Variants in DNAH2 observed in about 807,000 individuals in gnomAD.
DNAH2 encodes the protein axonemal beta dynein heavy chain 2.
In DNAH2, 323 loss-of-function variants were observed where a neutral mutation model predicts 523.5. That is an observed-to-expected ratio of 0.62 (90% confidence interval 0.56 to 0.68). The LOEUF (loss-of-function observed/expected upper bound fraction) is 0.68, where lower values mean the gene tolerates loss of function less well. Ranked by LOEUF, DNAH2 falls within the 30% of genes least tolerant of loss-of-function variation. The probability of loss-of-function intolerance (pLI) is 0.00; values close to 1 mark genes in which losing one functional copy is unlikely to be tolerated. For missense variants in DNAH2, 4,907 were observed against 5,701.5 expected, an observed-to-expected ratio of 0.86 and a Z score of 4.49; for synonymous variants, 2,093 against 2,177.4, an observed-to-expected ratio of 0.96 and a Z score of 1.08.
chr17:7,764,205 A>G lies in DNAH2; in HGVS notation c.3268A>G (p.Thr1090Ala). 1.2e-6 allele frequency: 2 copies of G among 1,613,964 alleles called. No individual in the cohort carries two copies. Among genetic ancestry groups the G allele is most frequent in the Non-Finnish European group, 1.7e-6 (2 of 1,179,984 alleles). The change falls in exon 20 of 86, where the codon ACT becomes GCT. Residue 1090 changes from threonine (T) to alanine (A), a missense_variant. Around this residue, in one of 3 missense-constraint regions of DNAH2, gnomAD observed 2,806 missense variants for 3,190.8 expected, o/e 0.88. Transcript: ENST00000572933. ...ALKHDLANVETQIPPIHEQFA... is the reference protein window; with the variant it reads ...ALKHDLANVEAQIPPIHEQFA... Reference sequence around the variant, plus strand: ...GAAGCACGACTTGGCCAACGTGGAGACTCAGATCCCTCCCATACACGAGCA... The same window carrying G: ...GAAGCACGACTTGGCCAACGTGGAGGCTCAGATCCCTCCCATACACGAGCA...
At chr17:7,764,875 A>G (rs1010867019) in intron 20 of DNAH2, among the ~76,000 whole-genome samples, 1 of 98,188 alleles carries the variant, frequency 1.0e-5, no homozygotes, top group Non-Finnish European at 1.9e-5. Context: ...CAGGGCCTCC[A>G]TCCATTACCC....
Position 7,792,359 on chromosome 17 carries a change from G to C in DNAH2, c.7145+16G>C. ...ACCCTCCAAAGTAAGAGCTGGGCCTGGGTGTGAGGAGGGCATGGGGCAGCG... is the reference window on the plus strand; with the variant it reads ...ACCCTCCAAAGTAAGAGCTGGGCCTCGGTGTGAGGAGGGCATGGGGCAGCG... On this transcript the variant is annotated intron_variant, in intron 46 of 85. Coordinates refer to ENST00000572933, the MANE Select transcript of DNAH2 (RefSeq NM_020877.5). 1 of 1,613,628 alleles carries C rather than the reference G, an allele frequency of 6.2e-7. No homozygotes were observed. Among genetic ancestry groups the C allele is most frequent in the Non-Finnish European group, 8.5e-7 (1 of 1,179,628 alleles).
At chr17:7,803,024 C>T (rs946633930) in intron 58 of DNAH2, among the ~76,000 whole-genome samples, 20 of 152,202 alleles carry the variant, frequency 1.3e-4, no homozygotes, top group Admixed American at 2.6e-4. Context: ...GATGTGGATA[C>T]GGAAGGCTGG....
rs2078224701 is a variant in DNAH2, at chr17:7,832,891, C to A, written c.12941C>A (p.Ser4314Tyr). The A allele has an allele frequency of 1.2e-6, 2 of 1,614,094 alleles. No homozygotes were observed. Among genetic ancestry groups the A allele is most frequent in the South Asian group, 1.1e-5 (1 of 91,094 alleles). Residue 4314 changes from serine to tyrosine, a missense_variant, in exon 84 of 86, where the codon TCC (serine) becomes TAC (tyrosine). Ser to Tyr is a moderately radical substitution (Grantham distance 144). This residue lies in a region of DNAH2 where 1,851 missense variants were observed against 2,139.4 expected (regional missense o/e 0.87). Coordinates refer to ENST00000572933, the MANE Select transcript of DNAH2 (RefSeq NM_020877.5). This position sits in a 1 kb window ranked among gnomAD's most constrained non-coding sequence, Gnocchi z 4.3. ...AGCCTCTCCTGGGAGTTTATCGTTT[C>A]CACTGTGGATGACAGCAACCTAGTG... ...VDSLSWEFIV[S>Y]TVDDSNLVYP...
chr17:7,722,191 G>GT (rs976574723), intron 2 of DNAH2, among the ~76,000 whole-genome samples: 4 of 99,666 alleles, frequency 4.0e-5, no homozygotes, highest in South Asian at 6.7e-4. Flanking sequence ...TAGAGACGGG[G>GT]GGGGGGGTTC....
Position 7,801,961 on chromosome 17 carries a change from G to A in DNAH2, c.8916G>A (p.Arg2972=). Residue 2972 remains arginine (R), a synonymous_variant, in exon 58 of 86, where the codon CGG becomes CGA. Coordinates refer to ENST00000572933, the MANE Select transcript of DNAH2 (RefSeq NM_020877.5). ...CCCAGAAGATGCTGTTGGAACTGCGGAGACACAACTATGTCACACCCACCA... is the reference window on the plus strand; with the variant it reads ...CCCAGAAGATGCTGTTGGAACTGCGAAGACACAACTATGTCACACCCACCA... ...QYSQKMLLEL[R]RHNYVTPTKY... is the part of the protein sequence containing the mutation. The A allele has an allele frequency of 6.2e-7, 1 of 1,614,212 alleles. No individual in the cohort carries two copies.
At position 7,786,627 on chromosome 17, in the gene DNAH2, C is replaced by T; in HGVS notation, c.6406C>T (p.Leu2136Phe). 3 of 1,614,098 alleles carry T rather than the reference C, an allele frequency of 1.9e-6. No individual in the cohort carries two copies. Among genetic ancestry groups the T allele is most frequent in the Middle Eastern group, 1.7e-4 (1 of 6,018 alleles). Reference protein sequence around the residue: ...SLGELYGEYDLSTNEWTDGIL... With the variant: ...SLGELYGEYDFSTNEWTDGIL... Reference sequence around the variant, plus strand: ...AGGGGAACTGTATGGGGAATATGACCTCAGCACCAATGAATGGACAGATGG... The same window carrying T: ...AGGGGAACTGTATGGGGAATATGACTTCAGCACCAATGAATGGACAGATGG... Residue 2136 changes from leucine (L) to phenylalanine (F), a missense_variant, in exon 41 of 86, where the codon CTC (leucine) becomes TTC (phenylalanine). Leu to Phe is a conservative substitution (Grantham distance 22, BLOSUM62 0). Around this residue, in one of 3 missense-constraint regions of DNAH2, gnomAD observed 2,806 missense variants for 3,190.8 expected, o/e 0.88. Transcript: ENST00000572933. The surrounding 1 kb of genome is among the most constrained non-coding windows in gnomAD (Gnocchi z 7.5).
Position 7,807,372 on chromosome 17 carries a change from T to C in DNAH2, c.9612+53T>C, listed in dbSNP as rs1389941954. On this transcript the variant is annotated intron_variant, in intron 62 of 85. Transcript: ENST00000572933. This position sits in a 1 kb window ranked among gnomAD's most constrained non-coding sequence, Gnocchi z 5.6. ...GGTAGGGAGGGCAGGCCTGGGGGAG[T>C]GCGGATGCACAGACCCAGGTGGAAG... The C allele has an allele frequency of 1.3e-6, 2 of 1,597,566 alleles. No individual in the cohort carries two copies. The highest frequency in any genetic ancestry group is 1.7e-6 in the Non-Finnish European group (2 of 1,173,940).
chr17:7,734,665 C>T lies in DNAH2; in HGVS notation c.935C>T (p.Ser312Leu), dbSNP rs200520443. Residue 312 changes from serine (S) to leucine (L), a missense_variant, in exon 7 of 86, where the codon TCG becomes TTG. Around this residue, in one of 3 missense-constraint regions of DNAH2, gnomAD observed 2,806 missense variants for 3,190.8 expected, o/e 0.88. Transcript: ENST00000572933. ...HVESILHLAK[S>L]SYLAPFMKLA... ...GAATCCATCCTGCACCTTGCCAAGTCGTCCTACTTGGCGCCCTTTATGAAA... is the reference window on the plus strand; with the variant it reads ...GAATCCATCCTGCACCTTGCCAAGTTGTCCTACTTGGCGCCCTTTATGAAA... 2.9e-5 allele frequency: 47 copies of T among 1,612,702 alleles called. No homozygotes were observed. The Admixed American group carries it at 3.7e-4, about 13-fold the overall frequency.
In DNAH2 at chr17:7,823,502, TG is replaced by T. The variant is rs2077924526; in HGVS notation, c.11206del (p.Asp3736IlefsTer6). ...PCSSWLADAY[W>X]DNITELDKLT... ...TAGTAGCTGGCTTGCAGATGCCTACTGGGATAACATCACAGAGCTAGACAAA... is the reference window on the plus strand; with the variant it reads ...TAGTAGCTGGCTTGCAGATGCCTACTGGATAACATCACAGAGCTAGACAAA... On this transcript the variant is annotated frameshift_variant, in exon 74 of 86. Coordinates refer to ENST00000572933, the MANE Select transcript of DNAH2 (RefSeq NM_020877.5). LOFTEE classifies it high-confidence loss of function. 6.2e-7 allele frequency: 1 copy of T among 1,614,110 alleles called. No homozygotes were observed. Among genetic ancestry groups the T allele is most frequent in the Non-Finnish European group, 8.5e-7 (1 of 1,179,998 alleles).
chr17:7,770,821 G>T lies in DNAH2; in HGVS notation c.4250G>T (p.Arg1417Leu). Residue 1417 changes from arginine to leucine, a missense_variant, in exon 27 of 86, where the codon CGC becomes CTC. By Grantham distance (102) the Arg-to-Leu change is moderately radical. Transcript: ENST00000572933. Reference protein sequence around the residue: ...QVALSTMKASRFVKAFEKDVD... With the variant: ...QVALSTMKASLFVKAFEKDVD... ...GCTCTGTCTACCATGAAGGCATCACGCTTTGTCAAGGCCTTTGAGAAGGAT... is the reference window on the plus strand; with the variant it reads ...GCTCTGTCTACCATGAAGGCATCACTCTTTGTCAAGGCCTTTGAGAAGGAT... 1 of 1,614,162 alleles carries T rather than the reference G, an allele frequency of 6.2e-7. No homozygotes were observed. The highest frequency in any genetic ancestry group is 8.5e-7 in the Non-Finnish European group (1 of 1,180,018).
rs571025115 is a variant in DNAH2, at chr17:7,826,327, C to A, written c.11853+1600C>A. ...TACAGGTGTGAGCCACCGTGCCCAG[C>A]CTGAGTTTTACTTCAAATAAGAAAG... On this transcript the variant is annotated intron_variant, in intron 77 of 85. Coordinates refer to ENST00000572933, the MANE Select transcript of DNAH2 (RefSeq NM_020877.5). Among the ~76,000 whole-genome samples the A allele has an allele frequency of 3.3e-5, 5 of 152,274 alleles. No homozygotes were observed. The South Asian group carries it at 1.0e-3, about 32-fold the overall frequency.
At position 7,833,611 on chromosome 17, in the gene DNAH2, G is replaced by C; in HGVS notation, c.*78G>C. ...AGACAGATGTTGCACCTAGGACTGA[G>C]GCCGGACCTCACTCAGACTTTGACC... On this transcript the variant is annotated 3_prime_UTR_variant, in exon 86 of 86. Transcript: ENST00000572933. 5 of 1,590,220 alleles carry C rather than the reference G, an allele frequency of 3.1e-6. No homozygotes were observed. The highest frequency in any genetic ancestry group is 4.3e-6 in the Non-Finnish European group (5 of 1,171,754).
intron 1 of DNAH2, 104 bp from the exon 2 acceptor site, chr17:7,719,617 T>A: frequency 2.1e-6 from 3 of 1,395,496 alleles, no homozygotes; most frequent in Non-Finnish European, 3.0e-6. Flanking sequence ...GATGATCATA[T>A]TGAGTTTCAG....
At chr17:7,756,369 G>C (rs1440247866) in intron 12 of DNAH2, among the ~76,000 whole-genome samples, 1 of 150,150 alleles carries the variant, frequency 6.7e-6, no homozygotes, top group African/African-American at 2.4e-5. Flanking sequence ...TCCACCTCCC[G>C]GGCTCAAGCA....
In DNAH2 at chr17:7,817,700, G is replaced by A. The variant is rs1310366018; in HGVS notation, c.10160G>A (p.Arg3387Gln). The part of the protein sequence containing the change: ...FSTENGIIVT[R>Q]GNRWALMIDP... ...ACTGAGAATGGCATCATCGTCACCC[G>A]AGGCAACAGGTGAGGGTGCTGCTGG... is the stretch of plus-strand genomic sequence containing the variant. Residue 3387 changes from arginine (R) to glutamine (Q), a missense_variant, in exon 66 of 86, where the codon CGA becomes CAA. Physicochemically the swap from Arg to Gln is conservative, Grantham distance 43. Transcript: ENST00000572933. The A allele has an allele frequency of 2.5e-5, 41 of 1,614,016 alleles. No individual in the cohort carries two copies. Among genetic ancestry groups the A allele is most frequent in the South Asian group, 8.8e-5 (8 of 91,086 alleles).
chr17:7,774,180 A>C (rs911923178), intron 28 of DNAH2, among the ~76,000 whole-genome samples: 2 of 152,204 alleles, frequency 1.3e-5, no homozygotes, highest in African/African-American at 4.8e-5. Context: ...ACTTTTGCTT[A>C]CATTATTAAG....
chr17:7,806,590 C>T (rs1033969402), intron 61 of DNAH2, among the ~76,000 whole-genome samples: 9 of 134,066 alleles, frequency 6.7e-5, no homozygotes, highest in Non-Finnish European at 1.1e-4. Context: ...ATCTGGGAGG[C>T]GGAGCTTGCA....
intron 24 of DNAH2, 78 bp downstream of exon 24, chr17:7,768,345 T>C: frequency 7.0e-7 from 1 of 1,426,388 alleles, no homozygotes; most frequent in Non-Finnish European, 9.9e-7. Context: ...CCCATTCTCC[T>C]CTCCGCAGTG....
Sources: gnomAD v4.1 joint callset for allele counts (sites outside exome capture counted in the v4.1 genomes callset) on GRCh38, gnomAD v4.1.1 for gene constraint, gnomAD v4.1.1 regional missense constraint, Gnocchi (gnomAD v3.1) non-coding constraint, MANE v1.5 for transcripts, NCBI Gene and HGNC (gene_info 2026-07-23, HGNC 2026-07-21) for gene names.